Variants in ADGRV1 observed in about 807,000 individuals in gnomAD.
The protein encoded by ADGRV1 is G-protein coupled receptor 98.
A neutral mutation model predicts 596.2 loss-of-function variants in ADGRV1; 359 were observed. The ratio of observed to expected loss-of-function variants is 0.60; its 90% confidence interval spans 0.55 to 0.66. ADGRV1 has a LOEUF of 0.66. Among genes scored for constraint, ADGRV1 ranks in the 30% least tolerant of loss-of-function variants. The probability of loss-of-function intolerance (pLI) is 0.00; values close to 1 mark genes in which losing one functional copy is unlikely to be tolerated. For synonymous variants in ADGRV1, 2,681 were observed against 2,679.2 expected (o/e 1.00, Z -0.02); for missense variants, 7,274 against 7,575.6 (o/e 0.96, Z 1.48).
At chr5:90,700,108 G>T (rs968329755) in intron 34 of ADGRV1, among the ~76,000 whole-genome samples, 1 of 151,878 alleles carries the variant, frequency 6.6e-6, no homozygotes, top group Non-Finnish European at 1.5e-5. Context: ...AGTATTTTGT[G>T]TATGCTTTAT....
chr5:90,558,832 G>T lies in ADGRV1; in HGVS notation c.-64G>T. The T allele has an allele frequency of 2.6e-6, 4 of 1,520,880 alleles. No individual in the cohort carries two copies. The highest frequency in any genetic ancestry group is 3.6e-6 in the Non-Finnish European group (4 of 1,117,506). 94.2% of individuals were successfully genotyped at this position (1,520,880 alleles called of 1,614,324 possible). A position where few individuals can be genotyped will look rare whatever the true frequency, so the allele number is the denominator to read the frequency against. ...ATCAGCAGCGCGGGCAAGGAGTACG[G>T]ACGGGAGTCAGAGGCAGAGCGAGGG... is the stretch of plus-strand genomic sequence containing the variant. On this transcript the variant is annotated 5_prime_UTR_variant, in exon 1 of 90. Coordinates refer to ENST00000405460, the MANE Select transcript of ADGRV1 (RefSeq NM_032119.4).
chr5:90,656,149 A>G (rs115669646), intron 20 of ADGRV1, among the ~76,000 whole-genome samples: 1,764 of 152,340 alleles, frequency 0.012, 31 homozygotes, highest in African/African-American at 0.04. Flanking sequence ...GTAGAGAAAT[A>G]ATGATCAGGT....
intron 83 of ADGRV1, among the ~76,000 whole-genome samples, chr5:90,870,759 G>A (rs1341192906): frequency 6.6e-6 from 1 of 152,124 alleles, no homozygotes; most frequent in African/African-American, 2.4e-5. Context: ...AGGGAATCTG[G>A]GCCCTGGGGC....
At chr5:90,959,009 T>C (rs1359095803) in intron 83 of ADGRV1, among the ~76,000 whole-genome samples, 1 of 152,124 alleles carries the variant, frequency 6.6e-6, no homozygotes, top group Non-Finnish European at 1.5e-5. Context: ...GCAAGTACAA[T>C]AGGCAAGATA....
chr5:90,973,395 G>A (rs1309548929), intron 84 of ADGRV1, among the ~76,000 whole-genome samples: 4 of 151,902 alleles, frequency 2.6e-5, no homozygotes, highest in African/African-American at 4.8e-5. Context: ...CAGAGACACA[G>A]CAAAAAAAGA....
chr5:90,745,861 C>A, intron 52 of ADGRV1, 66 bp downstream of exon 52: 1 of 903,042 alleles, frequency 1.1e-6, no homozygotes. Context: ...TGTGTATTAG[C>A]TATTATTAGC....
chr5:91,005,952 T>A (rs959373574), intron 85 of ADGRV1, among the ~76,000 whole-genome samples: 5 of 152,252 alleles, frequency 3.3e-5, no homozygotes, highest in African/African-American at 1.2e-4. Context: ...ATCCAGACTC[T>A]TCTACACAGT....
At chr5:91,148,448 GC>G (rs1455714234) in intron 87 of ADGRV1, among the ~76,000 whole-genome samples, 1 of 152,212 alleles carries the variant, frequency 6.6e-6, no homozygotes, top group Non-Finnish European at 1.5e-5. Context: ...GAGGGTGCAA[GC>G]CCCCACCCAG....
intron 50 of ADGRV1, among the ~76,000 whole-genome samples, chr5:90,733,263 A>C (rs560544243): frequency 3.9e-5 from 6 of 152,188 alleles, no homozygotes; most frequent in Admixed American, 2.0e-4. Flanking sequence ...TTAAATTAGG[A>C]AAAGACACAG....
intron 68 of ADGRV1, among the ~76,000 whole-genome samples, chr5:90,788,778 T>A (rs745336298): frequency 5.3e-5 from 8 of 152,012 alleles, no homozygotes; most frequent in Non-Finnish European, 1.2e-4. Flanking sequence ...TTTTGAAGTT[T>A]GTAAAATACT....
chr5:90,996,190 A>G (rs1781398871), intron 85 of ADGRV1, among the ~76,000 whole-genome samples: 1 of 152,154 alleles, frequency 6.6e-6, no homozygotes, highest in Non-Finnish European at 1.5e-5. Context: ...TAGGCATTTC[A>G]GAAAACTTCA....
At chr5:91,008,534 C>G in intron 85 of ADGRV1, among the ~76,000 whole-genome samples, 1 of 151,938 alleles carries the variant, frequency 6.6e-6, no homozygotes, top group Non-Finnish European at 1.5e-5. Context: ...GACAGAGTCT[C>G]GCTCTGTCAC....
intron 49 of ADGRV1, 129 bp downstream of exon 49, chr5:90,729,062 A>G: frequency 1.5e-6 from 1 of 661,342 alleles, no homozygotes; most frequent in Non-Finnish European, 2.4e-6. Context: ...CTTGATAGAT[A>G]AGTATTAATT....
intron 89 of ADGRV1, among the ~76,000 whole-genome samples, chr5:91,160,428 A>C (rs1796847635): frequency 6.6e-6 from 1 of 152,182 alleles, no homozygotes; most frequent in African/African-American, 2.4e-5. Context: ...GATGTGGGCC[A>C]CTCAGCTAGC....
intron 21 of ADGRV1, among the ~76,000 whole-genome samples, chr5:90,663,567 G>A (rs1770764510): frequency 6.6e-6 from 1 of 152,214 alleles, no homozygotes; most frequent in Admixed American, 6.5e-5. Flanking sequence ...TAGGTTGCCT[G>A]TTCACTCTGA....
chr5:90,778,181 C>T lies in ADGRV1; in HGVS notation c.12666+138C>T, dbSNP rs573717887. On this transcript the variant is annotated intron_variant, in intron 62 of 89. Transcript: ENST00000405460. ...GGGGATGGGGAGGAGGTAAATATTA[C>T]AGCATTTGTGGTTGGCGTGCACGTG... The T allele has an allele frequency of 1.2e-5, 12 of 1,032,176 alleles. No homozygotes were observed. In the Admixed American group the frequency reaches 1.2e-4, roughly 10 times the overall value. 63.9% of individuals were successfully genotyped at this position (1,032,176 alleles called of 1,614,324 possible).
intron 85 of ADGRV1, among the ~76,000 whole-genome samples, chr5:90,993,634 G>A (rs993110951): frequency 6.6e-6 from 1 of 151,974 alleles, no homozygotes; most frequent in Non-Finnish European, 1.5e-5. Flanking sequence ...TATATGTCTA[G>A]GAGTAGAATT....
chr5:91,015,090 G>A (rs140882638), intron 85 of ADGRV1, among the ~76,000 whole-genome samples: 16 of 151,934 alleles, frequency 1.1e-4, no homozygotes, highest in African/African-American at 3.1e-4. Context: ...CTTTGTTCTC[G>A]TTAGTTTTGA....
chr5:90,827,829 T>C (rs1455827605), intron 76 of ADGRV1, among the ~76,000 whole-genome samples: 1 of 152,232 alleles, frequency 6.6e-6, no homozygotes, highest in Non-Finnish European at 1.5e-5. Flanking sequence ...AACTAAGATA[T>C]AACTTACTTA....
Sources: allele counts gnomAD v4.1 joint callset (sites outside exome capture counted in the v4.1 genomes callset), GRCh38; gene constraint gnomAD v4.1.1; transcripts MANE v1.5; gene names NCBI Gene and HGNC (gene_info 2026-07-23, HGNC 2026-07-21).